The following MLLT1 variants were observed in gnomAD, a reference collection of about 807,000 sequenced individuals.
MLLT1 encodes protein ENL.
A neutral mutation model predicts 55.1 loss-of-function variants in MLLT1; 11 were observed. The observed-to-expected ratio is 0.20, with a 90% CI of 0.13 to 0.33. The LOEUF (loss-of-function observed/expected upper bound fraction) is 0.33, where lower values mean the gene tolerates loss of function less well. Among genes scored for constraint, MLLT1 ranks in the 10% least tolerant of loss-of-function variants. The probability of loss-of-function intolerance (pLI) is 1.00; values close to 1 mark genes in which losing one functional copy is unlikely to be tolerated. For synonymous variants in MLLT1, 323 were observed against 320.1 expected (o/e 1.01, Z -0.10); for missense variants, 536 against 760.6 (o/e 0.70, Z 3.47).
rs963964767 is a variant in MLLT1 at position 6,273,935 on chromosome 19, G to A, written c.13-3176C>T. Among the ~76,000 whole-genome samples, 4 of 152,238 alleles carry A rather than the reference G, an allele frequency of 2.6e-5. No individual in the cohort carries two copies. Among genetic ancestry groups the A allele is most frequent in the Non-Finnish European group, 5.9e-5 (4 of 68,050 alleles). On this transcript the variant is annotated intron_variant, in intron 1 of 11. Transcript: ENST00000252674. This position sits in a 1 kb window ranked among gnomAD's most constrained non-coding sequence, Gnocchi z 4.3. ...GAAAGACCGCGGTTCCACTGGAGAGGGGGAGGATGGAAGCACCAGAACTCC... is the reference window on the plus strand; with the variant it reads ...GAAAGACCGCGGTTCCACTGGAGAGAGGGAGGATGGAAGCACCAGAACTCC...
intron 1 of MLLT1, among the ~76,000 whole-genome samples, chr19:6,277,128 G>A (rs753971107): frequency 6.6e-6 from 1 of 152,198 alleles, no homozygotes; most frequent in Non-Finnish European, 1.5e-5. Flanking sequence ...GAGTCCCGCA[G>A]GGACACTGAC....
chr19:6,269,363 A>G (rs1306947237), intron 2 of MLLT1, among the ~76,000 whole-genome samples: 2 of 152,372 alleles, frequency 1.3e-5, no homozygotes, highest in Non-Finnish European at 2.9e-5. Flanking sequence ...GATAGATGGC[A>G]TGTGTCCCCA....
In MLLT1 at chr19:6,217,945, C is replaced by T. The variant is rs1175468697; in HGVS notation, c.1198+9G>A. 6.3e-7 allele frequency: 1 copy of T among 1,598,442 alleles called. No individual in the cohort carries two copies. Among genetic ancestry groups the T allele is most frequent in the Non-Finnish European group, 8.5e-7 (1 of 1,173,324 alleles). On this transcript the variant is annotated intron_variant, in intron 7 of 11. Transcript: ENST00000252674. ...CCATCCGTGCCCCCCAGCTGCTCTC[C>T]ATACACACCTTGGCTGTGGTTCTGG... is the stretch of plus-strand genomic sequence containing the variant.
intron 3 of MLLT1, among the ~76,000 whole-genome samples, chr19:6,250,654 T>G (rs2091205130): frequency 6.6e-6 from 1 of 152,254 alleles, no homozygotes; most frequent in Non-Finnish European, 1.5e-5. Context: ...TTTTGCCTTT[T>G]AGAACTCTGT....
intron 2 of MLLT1, among the ~76,000 whole-genome samples, chr19:6,269,624 G>C (rs1437967489): frequency 6.6e-6 from 1 of 152,140 alleles, no homozygotes; most frequent in African/African-American, 2.4e-5. Flanking sequence ...CTCAGGGCCA[G>C]GGTCCTGGGT....
rs560508149 is a variant in MLLT1, at chr19:6,238,817, C to T, written c.277-8104G>A. Among the ~76,000 whole-genome samples the T allele has an allele frequency of 2.7e-3, 407 of 150,342 alleles. 2 individuals are homozygous for T. The highest frequency in any genetic ancestry group is 9.7e-3 in the African/African-American group (387 of 39,966). ...ACGCCTTCTCCACCAGGGCCTTCTCCGGCCAGCAGCCAAACGCCTCCTCCG... is the reference window on the plus strand; with the variant it reads ...ACGCCTTCTCCACCAGGGCCTTCTCTGGCCAGCAGCCAAACGCCTCCTCCG... On this transcript the variant is annotated intron_variant, in intron 3 of 11. Coordinates refer to ENST00000252674, the MANE Select transcript of MLLT1 (RefSeq NM_005934.4).
intron 2 of MLLT1, among the ~76,000 whole-genome samples, chr19:6,267,934 CACTT>C (rs1006333143): frequency 3.9e-5 from 6 of 152,162 alleles, no homozygotes; most frequent in Non-Finnish European, 7.3e-5. Flanking sequence ...AGTCATCAAA[CACTT>C]AGTAAGCACC....
chr19:6,236,115 G>T (rs138181227), intron 3 of MLLT1, among the ~76,000 whole-genome samples: 4 of 152,100 alleles, frequency 2.6e-5, no homozygotes, highest in African/African-American at 9.7e-5. Flanking sequence ...TGCCACAGGC[G>T]CCTACCATAA....
At chr19:6,248,308 G>A (rs1432747158) in intron 3 of MLLT1, among the ~76,000 whole-genome samples, 1 of 152,194 alleles carries the variant, frequency 6.6e-6, no homozygotes, top group Non-Finnish European at 1.5e-5. Flanking sequence ...CTCCCAAAAT[G>A]GGTATTAGTA....
rs1055986362 is a variant in MLLT1, at chr19:6,226,036, G to C, written c.546+941C>G. ...ATTTCTAAGACCTGCTGGCCTTGGG[G>C]AAAGAGCCAGAAAGACCTGCCTGGG... On this transcript the variant is annotated intron_variant, in intron 5 of 11. Coordinates refer to ENST00000252674, the MANE Select transcript of MLLT1 (RefSeq NM_005934.4). The surrounding 1 kb of genome is among the most constrained non-coding windows in gnomAD (Gnocchi z 6.3). Among the ~76,000 whole-genome samples, 4 of 152,226 alleles carry C rather than the reference G, an allele frequency of 2.6e-5. No individual in the cohort carries two copies. The highest frequency in any genetic ancestry group is 4.8e-5 in the African/African-American group (2 of 41,454).
chr19:6,216,282 G>T, intron 8 of MLLT1, 123 bp downstream of exon 8: 2 of 709,466 alleles, frequency 2.8e-6, no homozygotes, highest in Non-Finnish European at 4.8e-6. Context: ...ATGGATCCCT[G>T]CTTTGGCCCT....
chr19:6,227,025 G>A lies in MLLT1; in HGVS notation c.498C>T (p.Leu166=). ...TCTTCTTGGGGTCAGAGAAGGCAGA[G>A]AGTGGAATTGTGGGTAACATGGGGT... The part of the protein sequence containing the change: ...PDYPMLPTIP[L]SAFSDPKKTK... Residue 166 remains leucine, a synonymous_variant, in exon 5 of 12, where the codon CTC becomes CTT. Coordinates refer to ENST00000252674, the MANE Select transcript of MLLT1 (RefSeq NM_005934.4). The surrounding 1 kb of genome is among the most constrained non-coding windows in gnomAD (Gnocchi z 5.1). The A allele has an allele frequency of 1.2e-6, 2 of 1,608,062 alleles. No individual in the cohort carries two copies. Among genetic ancestry groups the A allele is most frequent in the Non-Finnish European group, 1.7e-6 (2 of 1,177,758 alleles).
Position 6,211,511 on chromosome 19 carries a change from A to AG in MLLT1, c.*1530dup, listed in dbSNP as rs1600164153. The AG allele has an allele frequency of 1.4e-6, 1 of 698,960 alleles. No homozygotes were observed. 43.3% of individuals were successfully genotyped at this position (698,960 alleles called of 1,614,324 possible). A position where few individuals can be genotyped will look rare whatever the true frequency, so the allele number is the denominator to read the frequency against. On this transcript the variant is annotated 3_prime_UTR_variant, in exon 12 of 12. Coordinates refer to ENST00000252674, the MANE Select transcript of MLLT1 (RefSeq NM_005934.4). This position sits in a 1 kb window ranked among gnomAD's most constrained non-coding sequence, Gnocchi z 4.6. ...AGGGACAAGATGAGGGACCTCAGGG[A>AG]GGGACAGATGGAGCCCCCCAAGTCT...
At position 6,270,510 on chromosome 19, in the gene MLLT1, G is replaced by A. The variant is rs2091386971; in HGVS notation, c.193+69C>T. 2.0e-6 allele frequency: 3 copies of A among 1,499,450 alleles called. No individual in the cohort carries two copies. The highest frequency in any genetic ancestry group is 2.7e-6 in the Non-Finnish European group (3 of 1,112,086). The allele number at this position is 1,499,450 out of a possible 1,614,324, so 92.9% of individuals were successfully genotyped here. On this transcript the variant is annotated intron_variant, in intron 2 of 11. Transcript: ENST00000252674. The surrounding 1 kb of genome is among the most constrained non-coding windows in gnomAD (Gnocchi z 7.1). ...CTGCTGCTCCTGAGGGAGGGGTGGA[G>A]CCTGGCCTTGGGAGGAGTGAAGACA...
intron 3 of MLLT1, among the ~76,000 whole-genome samples, chr19:6,246,614 G>T (rs2091171043): frequency 6.6e-6 from 1 of 151,688 alleles, no homozygotes; most frequent in Non-Finnish European, 1.5e-5. Flanking sequence ...ATGAGCGGTT[G>T]TAAGGGCTGG....
rs974983197 is a variant in MLLT1, at chr19:6,227,371, C to T, written c.421-269G>A. ...ACGCGGCCTTCCGGGAACAGTGGAC[C>T]GGAGGGCTGGCCCAAGAAGACTTGC... On this transcript the variant is annotated intron_variant, in intron 4 of 11. Transcript: ENST00000252674. This position sits in a 1 kb window ranked among gnomAD's most constrained non-coding sequence, Gnocchi z 5.1. Among the ~76,000 whole-genome samples, 4 of 152,178 alleles carry T rather than the reference C, an allele frequency of 2.6e-5. No individual in the cohort carries two copies. The highest frequency in any genetic ancestry group is 2.1e-4 in the South Asian group (1 of 4,832).
rs1025680901 is a variant in MLLT1, at chr19:6,226,284, G to A, written c.546+693C>T. ...CTCCAGGAACGGCTGTGCTGAGTGGGCAGCTACAGAGGACTGGGGCGTGCT... is the reference window on the plus strand; with the variant it reads ...CTCCAGGAACGGCTGTGCTGAGTGGACAGCTACAGAGGACTGGGGCGTGCT... On this transcript the variant is annotated intron_variant, in intron 5 of 11. Coordinates refer to ENST00000252674, the MANE Select transcript of MLLT1 (RefSeq NM_005934.4). The surrounding 1 kb of genome is among the most constrained non-coding windows in gnomAD (Gnocchi z 6.3). Among the ~76,000 whole-genome samples, 1 of 152,220 alleles carries A rather than the reference G, an allele frequency of 6.6e-6. No individual in the cohort carries two copies. The highest frequency in any genetic ancestry group is 1.9e-4 in the East Asian group (1 of 5,196).
Position 6,273,195 on chromosome 19 carries a change from T to A in MLLT1, c.13-2436A>T, listed in dbSNP as rs1030124735. On this transcript the variant is annotated intron_variant, in intron 1 of 11. Coordinates refer to ENST00000252674, the MANE Select transcript of MLLT1 (RefSeq NM_005934.4). The surrounding 1 kb of genome is among the most constrained non-coding windows in gnomAD (Gnocchi z 4.3). ...AGCCCCCGGCCCTCTGTGTAAGGCC[T>A]GGGGTGCAGGCAGAAAAGGGCGAAT... Among the ~76,000 whole-genome samples the A allele has an allele frequency of 1.3e-5, 2 of 151,852 alleles. No homozygotes were observed. Among genetic ancestry groups the A allele is most frequent in the Non-Finnish European group, 2.9e-5 (2 of 67,946 alleles).
rs1001103511 is a variant in MLLT1, at chr19:6,227,158, C to T, written c.421-56G>A. The stretch of plus-strand genomic sequence containing the variant: ...ATGGGCAGGGGGCAGGGGGCCCACA[C>T]GGGCCGGGCTGAAGGTGGTGGGGCT... On this transcript the variant is annotated intron_variant, in intron 4 of 11. Transcript: ENST00000252674. This position sits in a 1 kb window ranked among gnomAD's most constrained non-coding sequence, Gnocchi z 5.1. 48 of 1,544,482 alleles carry T rather than the reference C, an allele frequency of 3.1e-5. No individual in the cohort carries two copies. The highest frequency in any genetic ancestry group is 2.0e-4 in the East Asian group (8 of 39,306).
Sources: allele counts gnomAD v4.1 joint callset (sites outside exome capture counted in the v4.1 genomes callset), GRCh38; gene constraint gnomAD v4.1.1; non-coding constraint Gnocchi (gnomAD v3.1); transcripts MANE v1.5; gene names NCBI Gene and HGNC (gene_info 2026-07-23, HGNC 2026-07-21).